The following EPHA6 variants were observed in gnomAD, a reference collection of about 807,000 sequenced individuals.
EPHA6 encodes EPH receptor A6.
EPHA6 carries 50 observed loss-of-function variants against 112.0 expected under a neutral mutation model. The observed-to-expected ratio is 0.45, with a 90% CI of 0.36 to 0.56. The LOEUF (loss-of-function observed/expected upper bound fraction) is 0.56. Among genes scored for constraint, EPHA6 ranks in the 20% least tolerant of loss-of-function variants. The pLI is 0.00. For synonymous variants in EPHA6, 529 were observed against 490.7 expected (o/e 1.08, Z -1.03); for missense variants, 1,280 against 1,417.4 (o/e 0.90, Z 1.56).
At chr3:97,620,644 G>A (rs1329786307) in intron 13 of EPHA6, among the ~76,000 whole-genome samples, 1 of 152,062 alleles carries the variant, frequency 6.6e-6, no homozygotes, top group South Asian at 2.1e-4. Flanking sequence ...CATACATGTG[G>A]CCAAGAAGTA....
chr3:97,259,658 T>A (rs2108616158), intron 5 of EPHA6, among the ~76,000 whole-genome samples: 1 of 152,350 alleles, frequency 6.6e-6, no homozygotes, highest in African/African-American at 2.4e-5. Flanking sequence ...TAAGTCATAA[T>A]GCATGAGTAC....
intron 3 of EPHA6, among the ~76,000 whole-genome samples, chr3:97,104,451 T>C (rs928400030): frequency 1.3e-5 from 2 of 152,176 alleles, no homozygotes; most frequent in African/African-American, 4.8e-5. Context: ...TCATATTTAT[T>C]TATTTTCGTA....
At chr3:97,514,684 T>C (rs1456355134) in intron 10 of EPHA6, among the ~76,000 whole-genome samples, 1 of 152,064 alleles carries the variant, frequency 6.6e-6, no homozygotes, top group Non-Finnish European at 1.5e-5. Flanking sequence ...AGGAAGTAAT[T>C]AAAGTTAACT....
intron 3 of EPHA6, among the ~76,000 whole-genome samples, chr3:97,022,318 ACTTCT>A (rs1315410406): frequency 1.3e-5 from 2 of 152,072 alleles, no homozygotes; most frequent in Admixed American, 6.5e-5. Context: ...TTAAAATGAA[ACTTCT>A]CCCCTTTTTC....
chr3:96,906,693 C>T lies in EPHA6; in HGVS notation c.450+39804C>T, dbSNP rs367936987. 9.7e-4 allele frequency among the ~76,000 whole-genome samples: 147 copies of T among 152,150 alleles called. 4 individuals are homozygous for T. The South Asian group carries it at 0.03, about 31-fold the overall frequency. ...CGTTGTGGTCAATGAGACTACATAG[C>T]AGCTGCAGAATCCCATAGTAGGTGG... On this transcript the variant is annotated intron_variant, in intron 2 of 17. Coordinates refer to ENST00000389672, the MANE Select transcript of EPHA6 (RefSeq NM_001080448.3).
rs537369747 is a variant in EPHA6, at chr3:97,742,815, G to A, written c.3129-4608G>A. ...GAATGTTAGGCTTAATTGCAGACAG[G>A]ACTTTTTAAAAATATATGATTATGT... On this transcript the variant is annotated intron_variant, in intron 16 of 17. Transcript: ENST00000389672. Among the ~76,000 whole-genome samples, 6 of 152,210 alleles carry A rather than the reference G, an allele frequency of 3.9e-5. No individual in the cohort carries two copies. In the South Asian group the frequency reaches 1.2e-3, roughly 32 times the overall value.
chr3:97,123,398 T>A (rs990260556), intron 3 of EPHA6, among the ~76,000 whole-genome samples: 1 of 152,068 alleles, frequency 6.6e-6, no homozygotes, highest in Non-Finnish European at 1.5e-5. Flanking sequence ...AGCAGTCCAG[T>A]TTGGGCTGTG....
intron 4 of EPHA6, among the ~76,000 whole-genome samples, chr3:97,234,535 TA>T (rs933328894): frequency 3.0e-4 from 46 of 152,280 alleles, no homozygotes; most frequent in Non-Finnish European, 3.4e-4. Context: ...CATTTTGTAT[TA>T]GAAACATTTT....
At chr3:97,373,054 A>C (rs2085150029) in intron 5 of EPHA6, among the ~76,000 whole-genome samples, 3 of 152,130 alleles carry the variant, frequency 2.0e-5, no homozygotes, top group Admixed American at 2.0e-4. Context: ...ATTTCATAAT[A>C]AACAGAAGGA....
intron 10 of EPHA6, among the ~76,000 whole-genome samples, chr3:97,502,767 G>A (rs1481251772): frequency 7.0e-6 from 1 of 143,548 alleles, no homozygotes; most frequent in African/African-American, 2.6e-5. Flanking sequence ...CAGCGAGGTG[G>A]AGGTTGCAGT....
intron 3 of EPHA6, among the ~76,000 whole-genome samples, chr3:97,105,948 T>A (rs1399648454): frequency 1.3e-5 from 2 of 152,142 alleles, no homozygotes; most frequent in Non-Finnish European, 2.9e-5. Flanking sequence ...AAAGTCTGTT[T>A]TGTCTAAAAT....
At chr3:96,816,605 T>C (rs1381525692) in intron 1 of EPHA6, among the ~76,000 whole-genome samples, 4 of 152,138 alleles carry the variant, frequency 2.6e-5, no homozygotes, top group African/African-American at 7.2e-5. Context: ...ATGAATACTT[T>C]GAGAGTCAAG....
intron 14 of EPHA6, among the ~76,000 whole-genome samples, chr3:97,694,439 G>T (rs1176406249): frequency 6.6e-6 from 1 of 152,096 alleles, no homozygotes; most frequent in African/African-American, 2.4e-5. Flanking sequence ...GTTTCACCAT[G>T]TTGGCCAGGC....
intron 10 of EPHA6, among the ~76,000 whole-genome samples, chr3:97,484,644 C>T (rs886525739): frequency 2.0e-5 from 3 of 152,164 alleles, no homozygotes; most frequent in Non-Finnish European, 4.4e-5. Context: ...GCCAATGTAA[C>T]AAACAGACTC....
intron 3 of EPHA6, among the ~76,000 whole-genome samples, chr3:97,139,122 C>G (rs1431982031): frequency 6.6e-6 from 1 of 152,176 alleles, no homozygotes; most frequent in Non-Finnish European, 1.5e-5. Flanking sequence ...TGACCCAGCC[C>G]ACTCAGCTTT....
At chr3:97,343,965 C>T (rs1361380312) in intron 5 of EPHA6, among the ~76,000 whole-genome samples, 1 of 152,096 alleles carries the variant, frequency 6.6e-6, no homozygotes, top group Non-Finnish European at 1.5e-5. Context: ...TTTGGATTTG[C>T]TTGGGGCCTA....
intron 3 of EPHA6, among the ~76,000 whole-genome samples, chr3:97,187,689 GA>G: frequency 1.0e-4 from 2 of 20,078 alleles, no homozygotes; most frequent in African/African-American, 1.9e-4. Context: ...AAGAAAGAAG[GA>G]AAGAAAGAAA....
At chr3:97,305,962 A>G (rs2081301848) in intron 5 of EPHA6, among the ~76,000 whole-genome samples, 1 of 151,972 alleles carries the variant, frequency 6.6e-6, no homozygotes, top group Non-Finnish European at 1.5e-5. Context: ...ACATAAGCCA[A>G]CACAAGCAAA....
intron 3 of EPHA6, among the ~76,000 whole-genome samples, chr3:97,072,314 C>G (rs1297908792): frequency 6.6e-6 from 1 of 152,006 alleles, no homozygotes; most frequent in African/African-American, 2.4e-5. Flanking sequence ...AGATGAGGTT[C>G]TTAAGGTGGA....
Sources: allele counts gnomAD v4.1 joint callset (sites outside exome capture counted in the v4.1 genomes callset), GRCh38; gene constraint gnomAD v4.1.1; transcripts MANE v1.5; gene names NCBI Gene and HGNC (gene_info 2026-07-23, HGNC 2026-07-21).